Variants in KCNU1 observed in about 807,000 individuals in gnomAD.
KCNU1 encodes the protein potassium calcium-activated channel subfamily U member 1.
A neutral mutation model predicts 126.8 loss-of-function variants in KCNU1; 93 were observed. That is an observed-to-expected ratio of 0.73 (90% CI 0.62 to 0.87). The LOEUF is 0.87. KCNU1 is among the 40% of genes least tolerant of loss of function. The pLI is 0.00. For synonymous variants in KCNU1, 523 were observed against 494.2 expected, an observed-to-expected ratio of 1.06 and a Z score of -0.77; for missense variants, 1,330 against 1,367.1, an observed-to-expected ratio of 0.97 and a Z score of 0.43.
intron 19 of KCNU1, among the ~76,000 whole-genome samples, chr8:36,903,462 G>A (rs1393488630): frequency 6.6e-6 from 1 of 152,102 alleles, no homozygotes; most frequent in Non-Finnish European, 1.5e-5. Flanking sequence ...AATCTGTAAT[G>A]TGACACACAG....
chr8:36,864,501 C>T lies in KCNU1; in HGVS notation c.1989C>T (p.Ser663=). Residue 663 remains serine, a synonymous_variant, in exon 19 of 27, where the codon AGC becomes AGT. Coordinates refer to ENST00000399881, the MANE Select transcript of KCNU1 (RefSeq NM_001031836.3). ...SPPRVSASTS[S]ISNFTTRTLQ... ...CAAGGGTATCTGCAAGCACTTCGAG[C>T]ATATCAAACTTCACCACCAGGTAAA... 3 of 1,608,978 alleles carry T rather than the reference C, an allele frequency of 1.9e-6. No individual in the cohort carries two copies. Among genetic ancestry groups the T allele is most frequent in the Non-Finnish European group, 2.6e-6 (3 of 1,175,486 alleles).
intron 2 of KCNU1, among the ~76,000 whole-genome samples, chr8:36,793,794 G>A (rs1021631791): frequency 3.3e-5 from 5 of 152,030 alleles, no homozygotes; most frequent in African/African-American, 9.7e-5. Flanking sequence ...AGTGGCTCAC[G>A]CCTGTAATCC....
Position 36,829,455 on chromosome 8 carries a change from G to A in KCNU1, c.1107-4099G>A, listed in dbSNP as rs181043983. On this transcript the variant is annotated intron_variant, in intron 10 of 26. Coordinates refer to ENST00000399881, the MANE Select transcript of KCNU1 (RefSeq NM_001031836.3). ...GAATTTTTTGTAGAGTAACGATGGG[G>A]TTTATAGAGTGACAATTTGTATAAT... is the stretch of plus-strand genomic sequence containing the variant. 2.7e-3 allele frequency among the ~76,000 whole-genome samples: 404 copies of A among 151,714 alleles called. 1 individual carries two copies. The highest frequency in any genetic ancestry group is 0.014 in the Middle Eastern group (4 of 282).
intron 19 of KCNU1, among the ~76,000 whole-genome samples, chr8:36,878,451 T>A (rs1806350449): frequency 6.6e-6 from 1 of 152,176 alleles, no homozygotes; most frequent in Admixed American, 6.6e-5. Flanking sequence ...CAGATGGTTG[T>A]CCCTGTGCTG....
Position 36,806,302 on chromosome 8 carries a change from C to A in KCNU1, c.502C>A (p.Leu168Met). Residue 168 changes from leucine to methionine, a missense_variant, in exon 5 of 27, where the codon CTG becomes ATG. This residue lies in a region of KCNU1 where 247 missense variants were observed against 255.4 expected (regional missense o/e 0.97). Transcript: ENST00000399881. ...MAADDKIKFWLEMNSIVDIFT... is the reference protein window; with the variant it reads ...MAADDKIKFWMEMNSIVDIFT... The stretch of plus-strand genomic sequence containing the variant: ...AGCTGATGACAAGATCAAGTTCTGG[C>A]TGGAGATGAATTCAATCGTAGACAT... 6.2e-7 allele frequency: 1 copy of A among 1,610,716 alleles called. No homozygotes were observed. The highest frequency in any genetic ancestry group is 8.5e-7 in the Non-Finnish European group (1 of 1,178,252).
At chr8:36,861,304 GC>G (rs1295624280) in intron 18 of KCNU1, among the ~76,000 whole-genome samples, 1 of 152,138 alleles carries the variant, frequency 6.6e-6, no homozygotes, top group Non-Finnish European at 1.5e-5. Context: ...GTTGAGTGTG[GC>G]TTTCCATGAT....
At chr8:36,895,908 A>C (rs942148296) in intron 19 of KCNU1, among the ~76,000 whole-genome samples, 20 of 152,050 alleles carry the variant, frequency 1.3e-4, no homozygotes, top group African/African-American at 3.9e-4. Flanking sequence ...CTAAGCAATA[A>C]ATATACTCAA....
rs528143371 is a variant in KCNU1 at position 36,892,766 on chromosome 8, C to T, written c.2010-12942C>T. Among the ~76,000 whole-genome samples, 3 of 152,116 alleles carry T rather than the reference C, an allele frequency of 2.0e-5. No homozygotes were observed. In the South Asian group the frequency reaches 6.2e-4, roughly 32 times the overall value. On this transcript the variant is annotated intron_variant, in intron 19 of 26. Coordinates refer to ENST00000399881, the MANE Select transcript of KCNU1 (RefSeq NM_001031836.3). ...TGAGGTAATTCCTTTGACACTTTAG[C>T]AGTTTACATCTTTGCCTAAGCCTTC...
chr8:36,858,873 A>G (rs1805627796), intron 18 of KCNU1, among the ~76,000 whole-genome samples: 1 of 152,170 alleles, frequency 6.6e-6, no homozygotes, highest in African/African-American at 2.4e-5. Flanking sequence ...CTTAGCTTCA[A>G]TGTAGTCATC....
At chr8:36,811,552 A>G (rs1803712196) in intron 7 of KCNU1, among the ~76,000 whole-genome samples, 1 of 152,180 alleles carries the variant, frequency 6.6e-6, no homozygotes, top group Admixed American at 6.5e-5. Context: ...CTTCTTTTGA[A>G]TCTGTATTAA....
At chr8:36,810,125 G>A (rs187164368) in intron 7 of KCNU1, among the ~76,000 whole-genome samples, 16 of 152,104 alleles carry the variant, frequency 1.1e-4, no homozygotes, top group East Asian at 3.9e-4. Context: ...GGTGGCATGC[G>A]TCTGTAGTTC....
chr8:36,842,048 T>C (rs1240938125), intron 16 of KCNU1, among the ~76,000 whole-genome samples: 1 of 152,154 alleles, frequency 6.6e-6, no homozygotes, highest in African/African-American at 2.4e-5. Context: ...GGCTCATGTG[T>C]ACTTTTTAGT....
In KCNU1 at chr8:36,879,240, C is replaced by T. The variant is rs868465825; in HGVS notation, c.2009+14719C>T. On this transcript the variant is annotated intron_variant, in intron 19 of 26. Coordinates refer to ENST00000399881, the MANE Select transcript of KCNU1 (RefSeq NM_001031836.3). The stretch of plus-strand genomic sequence containing the variant: ...ATATATATATATATATATATATATA[C>T]ACACACATATATGAAATATATGAGA... Among the ~76,000 whole-genome samples the T allele has an allele frequency of 2.9e-3, 151 of 51,900 alleles. 1 individual carries two copies. The highest frequency in any genetic ancestry group is 0.011 in the Middle Eastern group (1 of 88). 34.0% of individuals were successfully genotyped at this position (51,900 alleles called of 152,430 possible).
chr8:36,886,649 TA>T lies in KCNU1; in HGVS notation c.2010-19058del, dbSNP rs539011111. ...TGTTTACCTTGGGGTGGAGACTTAATATTTTTTTAATGTCAGCTTTAGGGGT... is the reference window on the plus strand; with the variant it reads ...TGTTTACCTTGGGGTGGAGACTTAATTTTTTTTAATGTCAGCTTTAGGGGT... On this transcript the variant is annotated intron_variant, in intron 19 of 26. Transcript: ENST00000399881. 1.9e-3 allele frequency among the ~76,000 whole-genome samples: 286 copies of T among 152,320 alleles called. 2 individuals are homozygous for T. Among genetic ancestry groups the T allele is most frequent in the African/African-American group, 6.5e-3 (272 of 41,584 alleles).
At chr8:36,868,901 A>G (rs1806003692) in intron 19 of KCNU1, among the ~76,000 whole-genome samples, 1 of 152,134 alleles carries the variant, frequency 6.6e-6, no homozygotes, top group East Asian at 1.9e-4. Context: ...ATAGTAAGTG[A>G]AAATGAATCT....
chr8:36,879,211 G>GTGTATATATATATATA (rs541223094), intron 19 of KCNU1, among the ~76,000 whole-genome samples: 22 of 101,754 alleles, frequency 2.2e-4, no homozygotes, highest in African/African-American at 7.0e-4. Context: ...GTGTGTGTGT[G>GTGTATATATATATATA]TATATATATA....
intron 24 of KCNU1, among the ~76,000 whole-genome samples, chr8:36,926,624 A>C (rs573617293): frequency 6.6e-6 from 1 of 152,220 alleles, no homozygotes; most frequent in South Asian, 2.1e-4. Context: ...CAGTTTTCCA[A>C]TTTCCAGCCA....
chr8:36,923,708 T>G (rs1808443170), intron 24 of KCNU1, among the ~76,000 whole-genome samples: 1 of 152,208 alleles, frequency 6.6e-6, no homozygotes, highest in African/African-American at 2.4e-5. Context: ...TGGGTCATCC[T>G]TACTGCTGGG....
chr8:36,884,660 C>G (rs1223528232), intron 19 of KCNU1, among the ~76,000 whole-genome samples: 1 of 152,026 alleles, frequency 6.6e-6, no homozygotes, highest in East Asian at 1.9e-4. Flanking sequence ...CGCTTGAACC[C>G]AGGAGGTGGA....
Sources: allele counts gnomAD v4.1 joint callset (sites outside exome capture counted in the v4.1 genomes callset), GRCh38; gene constraint gnomAD v4.1.1; regional missense constraint gnomAD v4.1.1; transcripts MANE v1.5; gene names NCBI Gene and HGNC (gene_info 2026-07-23, HGNC 2026-07-21).